VRK2: variants seen among roughly 807,000 people sequenced by gnomAD.
The protein encoded by VRK2 is VRK serine/threonine kinase 2.
A neutral mutation model predicts 57.6 loss-of-function variants in VRK2; 60 were observed. The ratio of observed to expected loss-of-function variants is 1.04; its 90% CI spans 0.85 to 1.29. The LOEUF is 1.29. Ranked by LOEUF, VRK2 falls within the 50% of genes most tolerant of loss-of-function variation. VRK2 has a pLI of 0.00. For missense variants in VRK2, 705 were observed against 588.1 expected (o/e 1.20, Z -2.06); for synonymous variants, 231 against 199.2 (o/e 1.16, Z -1.35).
intron 1 of VRK2, among the ~76,000 whole-genome samples, chr2:57,910,849 C>T (rs968587323): frequency 2.6e-5 from 4 of 152,178 alleles, no homozygotes; most frequent in Non-Finnish European, 5.9e-5. Context: ...CATCCTCTTA[C>T]ACCTAAAGGA....
chr2:58,083,237 T>TTTA, intron 2 of VRK2, among the ~76,000 whole-genome samples: 1 of 151,694 alleles, frequency 6.6e-6, no homozygotes, highest in East Asian at 1.9e-4. Flanking sequence ...TTTTAGCTAT[T>TTTA]TAAATGAGTA....
chr2:58,094,342 G>C (rs1317413160), intron 7 of VRK2, among the ~76,000 whole-genome samples: 2 of 152,110 alleles, frequency 1.3e-5, no homozygotes, highest in African/African-American at 2.4e-5. Context: ...TTATTCCATT[G>C]AGCAGTGGTT....
chr2:57,963,219 T>C (rs1365368140), intron 1 of VRK2, among the ~76,000 whole-genome samples: 1 of 152,314 alleles, frequency 6.6e-6, no homozygotes, highest in East Asian at 1.9e-4. Flanking sequence ...CCATTCAAAC[T>C]GTAGCATGCA....
chr2:58,087,039 T>C (rs541864986), intron 5 of VRK2, among the ~76,000 whole-genome samples: 1 of 152,218 alleles, frequency 6.6e-6, no homozygotes, highest in Non-Finnish European at 1.5e-5. Context: ...AAATAAGTTA[T>C]AGAAATATCT....
chr2:58,049,140 T>C (rs1675326828), intron 2 of VRK2, among the ~76,000 whole-genome samples, 173 bp downstream of exon 2: 1 of 152,340 alleles, frequency 6.6e-6, no homozygotes, highest in Non-Finnish European at 1.5e-5. Flanking sequence ...AAGACATCAC[T>C]GACCCACTCC....
At chr2:58,006,564 T>C (rs1673251467) in intron 1 of VRK2, among the ~76,000 whole-genome samples, 1 of 152,162 alleles carries the variant, frequency 6.6e-6, no homozygotes. Context: ...CTCTTCTCTG[T>C]GGAGCAGACC....
At chr2:57,965,292 A>T (rs1240036031) in intron 1 of VRK2, among the ~76,000 whole-genome samples, 1 of 152,236 alleles carries the variant, frequency 6.6e-6, no homozygotes, top group Non-Finnish European at 1.5e-5. Flanking sequence ...CTTTCAAAAA[A>T]TAGTTTCATG....
chr2:58,092,715 C>T (rs1339763002), intron 7 of VRK2, among the ~76,000 whole-genome samples: 2 of 152,010 alleles, frequency 1.3e-5, no homozygotes, highest in African/African-American at 4.8e-5. Context: ...GCACAAAGTG[C>T]AGGTTTGTTA....
chr2:57,966,919 G>A (rs927365072), intron 1 of VRK2, among the ~76,000 whole-genome samples: 3 of 152,156 alleles, frequency 2.0e-5, no homozygotes, highest in African/African-American at 7.2e-5. Flanking sequence ...GAACCAGACA[G>A]TAGTGAAGGT....
upstream of VRK2, among the ~76,000 whole-genome samples, chr2:58,043,828 C>T (rs1674563969): frequency 6.6e-6 from 1 of 152,144 alleles, no homozygotes; most frequent in Non-Finnish European, 1.5e-5. Context: ...AGTGGCTGTA[C>T]CATCAACAGC....
At chr2:57,919,579 G>A (rs1484426024) in intron 1 of VRK2, among the ~76,000 whole-genome samples, 1 of 151,932 alleles carries the variant, frequency 6.6e-6, no homozygotes, top group Non-Finnish European at 1.5e-5. Context: ...AGCTTCATGT[G>A]ACAAAAATAT....
chr2:57,972,117 C>T (rs533603835), intron 1 of VRK2, among the ~76,000 whole-genome samples: 1 of 151,790 alleles, frequency 6.6e-6, no homozygotes, highest in East Asian at 1.9e-4. Flanking sequence ...CTGCCTCAGA[C>T]CTTGGTTTGT....
chr2:58,140,413 G>A lies in VRK2; in HGVS notation c.1023+581G>A, dbSNP rs1284558902. ...ATTAAGATTTCGAGCATTTTTAAGCGGGTGGTGGAAATCTTAGACTGCCGT... is the reference window on the plus strand; with the variant it reads ...ATTAAGATTTCGAGCATTTTTAAGCAGGTGGTGGAAATCTTAGACTGCCGT... On this transcript the variant is annotated intron_variant, in intron 11 of 12. Coordinates refer to ENST00000340157, the MANE Select transcript of VRK2 (RefSeq NM_006296.7). Among the ~76,000 whole-genome samples the A allele has an allele frequency of 7.2e-5, 11 of 151,910 alleles. No homozygotes were observed. The East Asian group carries it at 7.7e-4, about 11-fold the overall frequency.
chr2:57,997,088 TAAG>T (rs1264491275), intron 1 of VRK2, among the ~76,000 whole-genome samples: 1 of 151,888 alleles, frequency 6.6e-6, no homozygotes, highest in Non-Finnish European at 1.5e-5. Flanking sequence ...CTGATCCAAA[TAAG>T]AAGCAAATTC....
intron 7 of VRK2, among the ~76,000 whole-genome samples, chr2:58,119,696 T>G (rs1248310473): frequency 5.9e-5 from 9 of 151,466 alleles, no homozygotes; most frequent in African/African-American, 2.2e-4. Flanking sequence ...AATATATTAA[T>G]ATATACTAGT....
At position 58,131,917 on chromosome 2, in the gene VRK2, T is replaced by G. The variant is rs748578013; in HGVS notation, c.786T>G (p.Thr262=). The G allele has an allele frequency of 6.2e-7, 1 of 1,614,114 alleles. No homozygotes were observed. Among genetic ancestry groups the G allele is most frequent in the Non-Finnish European group, 8.5e-7 (1 of 1,179,986 alleles). ...TGAAGGACCCTGTGGCTGTGCAGAC[T>G]GCTAAAACAAAGTACAAATTTTCAA... ...QNLKDPVAVQ[T]AKTNLLDELP... The change falls in exon 9 of 13, where the codon ACT becomes ACG. Residue 262 remains threonine, a synonymous_variant. Coordinates refer to ENST00000340157, the MANE Select transcript of VRK2 (RefSeq NM_006296.7).
In VRK2 at chr2:58,135,254, G is replaced by T. The variant is rs796274438; in HGVS notation, c.856+55G>T. The T allele has an allele frequency of 8.7e-6, 14 of 1,600,268 alleles. 1 individual carries two copies. The African/African-American group carries it at 1.7e-4, about 20-fold the overall frequency. Reference sequence around the variant, plus strand: ...TTACGATTTACAGGTTGCCACATTTGTCGTTATCGTTTGGTAGCTTTTGCT... The same window carrying T: ...TTACGATTTACAGGTTGCCACATTTTTCGTTATCGTTTGGTAGCTTTTGCT... On this transcript the variant is annotated intron_variant, in intron 10 of 12. Transcript: ENST00000340157.
chr2:58,093,100 T>C (rs1364241476), intron 7 of VRK2, among the ~76,000 whole-genome samples: 1 of 152,260 alleles, frequency 6.6e-6, no homozygotes, highest in African/African-American at 2.4e-5. Context: ...TCTTTGCTAT[T>C]GTGAATAGTG....
At chr2:58,026,526 C>T (rs1442031478) in intron 2 of VRK2, among the ~76,000 whole-genome samples, 1 of 151,986 alleles carries the variant, frequency 6.6e-6, no homozygotes, top group East Asian at 1.9e-4. Flanking sequence ...TTAGATGAAG[C>T]GTGTCAGTAT....
Sources: gnomAD v4.1 joint callset for allele counts (sites outside exome capture counted in the v4.1 genomes callset) on GRCh38, gnomAD v4.1.1 for gene constraint, MANE v1.5 for transcripts, NCBI Gene and HGNC (gene_info 2026-07-23, HGNC 2026-07-21) for gene names.